The following SHTN1 variants were observed in gnomAD, a reference collection of about 807,000 sequenced individuals.
The protein encoded by SHTN1 is shootin 1, also known as shootin-1.
In SHTN1, 42 loss-of-function variants were observed where a neutral mutation model predicts 83.1. The ratio of observed to expected loss-of-function variants is 0.51; its 90% CI spans 0.39 to 0.65. The LOEUF (loss-of-function observed/expected upper bound fraction) is 0.65, where lower values mean the gene tolerates loss of function less well. Ranked by LOEUF, SHTN1 falls within the 30% of genes least tolerant of loss-of-function variation. SHTN1 has a pLI of 0.00. For missense variants in SHTN1, 622 were observed against 737.8 expected, an observed-to-expected ratio of 0.84 and a Z score of 1.82; for synonymous variants, 224 against 247.7, an observed-to-expected ratio of 0.90 and a Z score of 0.90.
intron 1 of SHTN1, among the ~76,000 whole-genome samples, chr10:117,078,773 AAATT>A (rs751514821): frequency 7.7e-4 from 118 of 152,292 alleles, no homozygotes; most frequent in Non-Finnish European, 1.2e-3. Flanking sequence ...AAATATAAAT[AAATT>A]ATTTATTTAA....
intron 2 of SHTN1, among the ~76,000 whole-genome samples, chr10:117,029,752 C>G (rs1238463123): frequency 1.3e-5 from 2 of 152,116 alleles, no homozygotes; most frequent in African/African-American, 4.8e-5. Context: ...TGCAAGTTTC[C>G]TGAGGCCTCC....
intron 1 of SHTN1, among the ~76,000 whole-genome samples, chr10:116,988,490 TTTC>T (rs1851302300): frequency 6.7e-6 from 1 of 148,752 alleles, no homozygotes. Context: ...TTTTATATTT[TTTC>T]TTTTACTTAT....
chr10:117,039,682 T>C (rs1006922854), intron 2 of SHTN1, among the ~76,000 whole-genome samples: 9 of 151,850 alleles, frequency 5.9e-5, no homozygotes, highest in Middle Eastern at 3.4e-3. Flanking sequence ...TGAAAACCCG[T>C]CTCTACTAAA....
At chr10:116,904,282 C>G (rs565070680) in intron 15 of SHTN1, among the ~76,000 whole-genome samples, 1 of 152,160 alleles carries the variant, frequency 6.6e-6, no homozygotes, top group Non-Finnish European at 1.5e-5. Context: ...TTACTTTCCC[C>G]CCTGGAATTT....
intron 1 of SHTN1, among the ~76,000 whole-genome samples, chr10:117,089,151 T>C (rs200972800): frequency 6.6e-6 from 1 of 152,156 alleles, no homozygotes; most frequent in East Asian, 1.9e-4. Context: ...TCAGTGGCTG[T>C]TGAGGGTAGG....
upstream of SHTN1, among the ~76,000 whole-genome samples, chr10:117,009,520 A>G (rs1309765930): frequency 6.6e-6 from 1 of 152,174 alleles, no homozygotes; most frequent in Non-Finnish European, 1.5e-5. Context: ...TTAATATCAG[A>G]CAAAACAGAC....
intron 1 of SHTN1, among the ~76,000 whole-genome samples, chr10:117,109,553 CTTTTTT>C (rs374713015): frequency 6.1e-4 from 26 of 42,954 alleles, no homozygotes; most frequent in African/African-American, 1.7e-3. Flanking sequence ...ACATATATTA[CTTTTTT>C]TTTTTTTTTT....
At chr10:116,956,826 A>C (rs1165800792) in intron 4 of SHTN1, among the ~76,000 whole-genome samples, 1 of 152,188 alleles carries the variant, frequency 6.6e-6, no homozygotes, top group Admixed American at 6.5e-5. Flanking sequence ...AAGAAAAAAA[A>C]GCCAATCAGA....
At chr10:117,018,729 G>A (rs1589897981) in intron 2 of SHTN1, among the ~76,000 whole-genome samples, 1 of 151,840 alleles carries the variant, frequency 6.6e-6, no homozygotes, top group African/African-American at 2.4e-5. Context: ...TCGCCACCAT[G>A]CCCAGCTAAT....
At chr10:116,930,420 T>C (rs1848917402) in intron 9 of SHTN1, among the ~76,000 whole-genome samples, 1 of 152,180 alleles carries the variant, frequency 6.6e-6, no homozygotes, top group African/African-American at 2.4e-5. Flanking sequence ...CCAGTGTCTG[T>C]TGTTCCCTTC....
chr10:117,034,448 C>G (rs1852465800), intron 2 of SHTN1, among the ~76,000 whole-genome samples: 1 of 152,144 alleles, frequency 6.6e-6, no homozygotes, highest in African/African-American at 2.4e-5. Flanking sequence ...TCAAGACCAG[C>G]CTGGCCAACA....
intron 16 of SHTN1, chr10:116,901,561 G>A: frequency 1.0e-6 from 1 of 985,300 alleles, no homozygotes; most frequent in Non-Finnish European, 1.2e-6. Flanking sequence ...AATTCTCTTT[G>A]TACATGGTAC....
At chr10:117,091,585 C>G (rs1853430552) in intron 1 of SHTN1, among the ~76,000 whole-genome samples, 1 of 152,158 alleles carries the variant, frequency 6.6e-6, no homozygotes, top group Non-Finnish European at 1.5e-5. Context: ...CCAAAGAATG[C>G]CAGCCCATTT....
At chr10:116,946,274 T>C (rs1298098142) in intron 7 of SHTN1, among the ~76,000 whole-genome samples, 1 of 148,542 alleles carries the variant, frequency 6.7e-6, no homozygotes, top group African/African-American at 2.4e-5. Context: ...TGGAAGAATA[T>C]ACACTAAAAT....
chr10:116,936,948 G>A (rs750511329), intron 9 of SHTN1, among the ~76,000 whole-genome samples: 13 of 151,672 alleles, frequency 8.6e-5, no homozygotes, highest in Non-Finnish European at 1.9e-4. Flanking sequence ...ATCTTTGTTG[G>A]TTTTAAGTCT....
intron 6 of SHTN1, 65 bp downstream of exon 6, chr10:116,951,844 C>A: frequency 1.1e-6 from 1 of 897,706 alleles, no homozygotes; most frequent in Non-Finnish European, 1.7e-6. Flanking sequence ...AAGTTCTTAA[C>A]TTAGCAAATC....
In SHTN1 at chr10:117,097,599, T is replaced by C. The variant is rs974950909; in HGVS notation, c.-189+28708A>G. Among the ~76,000 whole-genome samples, 15 of 152,200 alleles carry C rather than the reference T, an allele frequency of 9.9e-5. No individual in the cohort carries two copies. The East Asian group carries it at 2.7e-3, about 27-fold the overall frequency. On this transcript the variant is annotated intron_variant, in intron 1 of 17. Transcript: ENST00000392901. ...GATCAGCTTCATGGGTCAGAAGAAT[T>C]TGCCTTTTGTCTGATAAAAGCAGAA...
intron 1 of SHTN1, among the ~76,000 whole-genome samples, chr10:117,113,137 C>T (rs527805101): frequency 7.0e-4 from 106 of 152,304 alleles, no homozygotes; most frequent in Admixed American, 3.4e-3. Context: ...AGCTAAATCA[C>T]AGGCACTTAC....
intron 11 of SHTN1, among the ~76,000 whole-genome samples, chr10:116,923,599 A>G (rs1848638824): frequency 6.7e-6 from 1 of 150,016 alleles, no homozygotes; most frequent in South Asian, 2.1e-4. Flanking sequence ...TCTGTTGCCC[A>G]TGCTGGAGTA....
Sources: gnomAD v4.1 joint callset for allele counts (sites outside exome capture counted in the v4.1 genomes callset) on GRCh38, gnomAD v4.1.1 for gene constraint, MANE v1.5 for transcripts, NCBI Gene and HGNC (gene_info 2026-07-23, HGNC 2026-07-21) for gene names.